Variants in VAV2 observed in about 807,000 individuals in gnomAD.
VAV2 encodes the protein vav guanine nucleotide exchange factor 2, also known as guanine nucleotide exchange factor VAV2.
A neutral mutation model predicts 132.5 loss-of-function variants in VAV2; 67 were observed. The observed-to-expected ratio is 0.51, with a 90% CI of 0.42 to 0.62. The LOEUF (loss-of-function observed/expected upper bound fraction) is 0.62. VAV2 is among the 20% of genes least tolerant of loss of function. VAV2 has a pLI of 0.00. For synonymous variants in VAV2, 492 were observed against 443.5 expected, an observed-to-expected ratio of 1.11 and a Z score of -1.37; for missense variants, 938 against 1,153.6, an observed-to-expected ratio of 0.81 and a Z score of 2.71.
At chr9:133,849,144 A>G (rs1837069502) in intron 3 of VAV2, among the ~76,000 whole-genome samples, 1 of 152,260 alleles carries the variant, frequency 6.6e-6, no homozygotes, top group South Asian at 2.1e-4. Context: ...GAAGGACAGG[A>G]GTTGGAAAGG....
rs945415069 is a variant in VAV2 at position 133,837,467 on chromosome 9, C to T, written c.381-3127G>A. 4.6e-5 allele frequency among the ~76,000 whole-genome samples: 7 copies of T among 152,090 alleles called. No individual in the cohort carries two copies. The South Asian group carries it at 6.2e-4, about 14-fold the overall frequency. On this transcript the variant is annotated intron_variant, in intron 3 of 29. Coordinates refer to ENST00000371850, the MANE Select transcript of VAV2 (RefSeq NM_001134398.2). ...TCCCAGGACTTTGGGAGGCCCGAGG[C>T]GGGCGGATCACCTGAGGTCAGAAGT...
chr9:133,941,696 A>G (rs2428004), intron 1 of VAV2, among the ~76,000 whole-genome samples: 106,457 of 150,568 alleles, frequency 0.71, 37,612 homozygotes, highest in East Asian at 0.81. Flanking sequence ...TCTGCCTCCC[A>G]GGTTCAAGCG....
intron 2 of VAV2, among the ~76,000 whole-genome samples, chr9:133,914,735 GA>G (rs1840003264): frequency 4.5e-4 from 3 of 6,616 alleles, no homozygotes; most frequent in Non-Finnish European, 1.2e-3. Flanking sequence ...GGAGGGGGAG[GA>G]GAGGGAAGGG....
chr9:133,773,581 CAT>C (rs1359561389), intron 25 of VAV2, among the ~76,000 whole-genome samples: 2 of 151,668 alleles, frequency 1.3e-5, no homozygotes, highest in African/African-American at 2.4e-5. Flanking sequence ...AAAACACAAA[CAT>C]ATTACACAGC....
At chr9:133,964,042 TATATATACATATATATAC>T (rs1199559266) in intron 1 of VAV2, among the ~76,000 whole-genome samples, 8 of 99,310 alleles carry the variant, frequency 8.1e-5, no homozygotes, top group Non-Finnish European at 1.4e-4. Context: ...TATATATATA[TATATATACATATATATAC>T]ATATATATAA....
At chr9:133,979,524 G>C (rs1326378510) in intron 1 of VAV2, among the ~76,000 whole-genome samples, 1 of 152,202 alleles carries the variant, frequency 6.6e-6, no homozygotes, top group Non-Finnish European at 1.5e-5. Flanking sequence ...CCGGAACTCG[G>C]ACAGAGGATG....
At chr9:133,791,191 C>T (rs1044570086) in intron 13 of VAV2, among the ~76,000 whole-genome samples, 2 of 152,184 alleles carry the variant, frequency 1.3e-5, no homozygotes, top group Non-Finnish European at 2.9e-5. Context: ...CCTGGGGTGG[C>T]GCATCCCCTC....
At chr9:133,875,623 A>G (rs1838231809) in intron 2 of VAV2, among the ~76,000 whole-genome samples, 3 of 152,248 alleles carry the variant, frequency 2.0e-5, no homozygotes, top group Non-Finnish European at 4.4e-5. Context: ...TGACCCTGCC[A>G]GTCCCTTCAA....
At chr9:133,796,106 C>T (rs1165061091) in intron 11 of VAV2, among the ~76,000 whole-genome samples, 3 of 152,244 alleles carry the variant, frequency 2.0e-5, no homozygotes, top group Non-Finnish European at 2.9e-5. Flanking sequence ...TGAAGCCCTT[C>T]CATGTCCATT....
At chr9:133,900,459 TCTAA>T (rs1839395843) in intron 2 of VAV2, among the ~76,000 whole-genome samples, 1 of 152,046 alleles carries the variant, frequency 6.6e-6, no homozygotes, top group African/African-American at 2.4e-5. Flanking sequence ...AAAATAATAC[TCTAA>T]CTGTCCCTCC....
chr9:133,983,204 A>C (rs1343826460), intron 1 of VAV2, among the ~76,000 whole-genome samples: 1 of 152,098 alleles, frequency 6.6e-6, no homozygotes, highest in Non-Finnish European at 1.5e-5. Flanking sequence ...TGGGAGTCCC[A>C]CCCCTCAAAC....
rs1007750243 is a variant in VAV2 at position 133,780,555 on chromosome 9, T to C, written c.1740+139A>G. On this transcript the variant is annotated intron_variant, in intron 20 of 29. Transcript: ENST00000371850. ...ACCCACCAAGGAAAGCAGAGGCATC[T>C]TGTGACCAAAAGTGGCTCATCCAAG... is the stretch of plus-strand genomic sequence containing the variant. 3 of 1,084,580 alleles carry C rather than the reference T, an allele frequency of 2.8e-6. No homozygotes were observed. The Admixed American group carries it at 1.3e-4, about 46-fold the overall frequency. 67.2% of individuals were successfully genotyped at this position (1,084,580 alleles called of 1,614,324 possible). A position where few individuals can be genotyped will look rare whatever the true frequency, so the allele number is the denominator to read the frequency against.
Position 133,762,983 on chromosome 9 carries a change from G to C in VAV2, c.*1079C>G, listed in dbSNP as rs142164127. 1 of 152,690 alleles carries C rather than the reference G, an allele frequency of 6.5e-6. No homozygotes were observed. Among genetic ancestry groups the C allele is most frequent in the Non-Finnish European group, 1.5e-5 (1 of 68,108 alleles). 9.5% of individuals were successfully genotyped at this position (152,690 alleles called of 1,614,324 possible). ...TAACCCAGCCAGAAGTCGAAGGCCA[G>C]GAGTTGTGGCTGGGGGAGGTAATGG... On this transcript the variant is annotated 3_prime_UTR_variant, in exon 30 of 30. Transcript: ENST00000371850. This position sits in a 1 kb window ranked among gnomAD's most constrained non-coding sequence, Gnocchi z 5.0.
chr9:133,782,316 G>A (rs569898242), intron 19 of VAV2, among the ~76,000 whole-genome samples: 148 of 152,104 alleles, frequency 9.7e-4, no homozygotes, highest in African/African-American at 3.4e-3. Context: ...TGCAGCCATC[G>A]TCTGGGGACA....
chr9:133,863,659 C>T lies in VAV2; in HGVS notation c.322-2227G>A, dbSNP rs1485865872. Among the ~76,000 whole-genome samples, 1 of 152,184 alleles carries T rather than the reference C, an allele frequency of 6.6e-6. No homozygotes were observed. Among genetic ancestry groups the T allele is most frequent in the Non-Finnish European group, 1.5e-5 (1 of 68,028 alleles). The stretch of plus-strand genomic sequence containing the variant: ...TGGAGGGCCTGCAGCATCGATGGGG[C>T]AGCCCCTTCCATGGGTTCAGCATGG... On this transcript the variant is annotated intron_variant, in intron 2 of 29. Coordinates refer to ENST00000371850, the MANE Select transcript of VAV2 (RefSeq NM_001134398.2). This position sits in a 1 kb window ranked among gnomAD's most constrained non-coding sequence, Gnocchi z 5.0.
At chr9:133,808,255 G>A (rs551995890) in intron 7 of VAV2, among the ~76,000 whole-genome samples, 3 of 152,338 alleles carry the variant, frequency 2.0e-5, no homozygotes, top group Admixed American at 2.0e-4. Flanking sequence ...CAGAAAGGCC[G>A]CTGGCCAAGG....
chr9:133,989,929 C>T (rs1416228290), intron 1 of VAV2, among the ~76,000 whole-genome samples: 2 of 152,232 alleles, frequency 1.3e-5, no homozygotes, highest in Non-Finnish European at 2.9e-5. Context: ...ATGGCAAGAT[C>T]AGCCTCAGCG....
chr9:133,820,968 C>T (rs538126460), intron 4 of VAV2, among the ~76,000 whole-genome samples: 15 of 152,314 alleles, frequency 9.8e-5, no homozygotes, highest in South Asian at 2.1e-4. Context: ...TGGCCCTCCA[C>T]GCAATCCCAC....
chr9:133,777,972 C>T (rs752923877), intron 22 of VAV2, among the ~76,000 whole-genome samples: 7 of 152,160 alleles, frequency 4.6e-5, no homozygotes, highest in Non-Finnish European at 1.0e-4. Context: ...CTCGAGGCCC[C>T]GTGGCGCTCT....
Sources: allele counts gnomAD v4.1 joint callset (sites outside exome capture counted in the v4.1 genomes callset), GRCh38; gene constraint gnomAD v4.1.1; non-coding constraint Gnocchi (gnomAD v3.1); transcripts MANE v1.5; gene names NCBI Gene and HGNC (gene_info 2026-07-23, HGNC 2026-07-21).